The following SIK2 variants were observed in gnomAD, a reference collection of about 807,000 sequenced individuals.
SIK2 encodes the protein serine/threonine-protein kinase SIK2.
SIK2 carries 29 observed loss-of-function variants against 103.2 expected under a neutral mutation model. That is an observed-to-expected ratio of 0.28 (90% CI 0.21 to 0.38). The LOEUF is 0.38. Ranked by LOEUF, SIK2 falls within the 10% of genes least tolerant of loss-of-function variation. The pLI is 1.00. For missense variants in SIK2, 879 were observed against 1,171.0 expected, an observed-to-expected ratio of 0.75 and a Z score of 3.64; for synonymous variants, 412 against 446.1, an observed-to-expected ratio of 0.92 and a Z score of 0.96.
At chr11:111,625,705 C>G (rs1941952844) in intron 3 of SIK2, among the ~76,000 whole-genome samples, 1 of 151,896 alleles carries the variant, frequency 6.6e-6, no homozygotes, top group Non-Finnish European at 1.5e-5. Context: ...GTGACTGGGC[C>G]AAAAGCTAGA....
intron 1 of SIK2, among the ~76,000 whole-genome samples, chr11:111,613,076 T>C (rs897709301): frequency 4.6e-5 from 7 of 151,820 alleles, no homozygotes; most frequent in African/African-American, 1.7e-4. Context: ...AAAATTTAAT[T>C]AGATAACATT....
chr11:111,681,660 T>C (rs1942779532), intron 3 of SIK2, among the ~76,000 whole-genome samples: 2 of 152,150 alleles, frequency 1.3e-5, no homozygotes, highest in Non-Finnish European at 2.9e-5. Context: ...AGAGGAAGAA[T>C]TAAGCATTCA....
chr11:111,675,356 T>C (rs1204575343), intron 3 of SIK2, among the ~76,000 whole-genome samples: 1 of 152,214 alleles, frequency 6.6e-6, no homozygotes, highest in Non-Finnish European at 1.5e-5. Context: ...ATAAATCTCT[T>C]ACAGGCAGGG....
chr11:111,678,513 T>G (rs1004079373), intron 3 of SIK2, among the ~76,000 whole-genome samples: 1 of 152,140 alleles, frequency 6.6e-6, no homozygotes, highest in African/African-American at 2.4e-5. Flanking sequence ...GGGCCGTGAG[T>G]TCTGTGCTAC....
intron 3 of SIK2, among the ~76,000 whole-genome samples, chr11:111,637,222 C>T (rs1233253338): frequency 6.6e-6 from 1 of 151,736 alleles, no homozygotes. Flanking sequence ...TGTTTTGCTA[C>T]CACATTTTAA....
At chr11:111,627,621 T>G (rs146702415) in intron 3 of SIK2, among the ~76,000 whole-genome samples, 1 of 152,292 alleles carries the variant, frequency 6.6e-6, no homozygotes, top group Non-Finnish European at 1.5e-5. Context: ...TTTAAACCAA[T>G]TGGAGACTTA....
At chr11:111,610,032 G>A (rs950969303) in intron 1 of SIK2, among the ~76,000 whole-genome samples, 1 of 152,150 alleles carries the variant, frequency 6.6e-6, no homozygotes, top group Non-Finnish European at 1.5e-5. Flanking sequence ...GTTATTAGAA[G>A]AATAGCTCTT....
chr11:111,617,923 AT>A (rs1941830773), intron 2 of SIK2, among the ~76,000 whole-genome samples: 1 of 151,826 alleles, frequency 6.6e-6, no homozygotes, highest in Non-Finnish European at 1.5e-5. Flanking sequence ...CATAGGAATC[AT>A]GTTTATTGTA....
chr11:111,654,155 T>C (rs1430420996), intron 3 of SIK2, among the ~76,000 whole-genome samples: 6 of 152,254 alleles, frequency 3.9e-5, no homozygotes, highest in Non-Finnish European at 8.8e-5. Flanking sequence ...AATTTCTTTA[T>C]TGTTTTTTCA....
chr11:111,609,611 C>T (rs1334788040), intron 1 of SIK2, among the ~76,000 whole-genome samples: 1 of 152,200 alleles, frequency 6.6e-6, no homozygotes, highest in Non-Finnish European at 1.5e-5. Context: ...CATAAGCCAC[C>T]ATACCCAGCC....
chr11:111,602,786 CG>C lies in SIK2; in HGVS notation c.135+92del. The C allele has an allele frequency of 7.2e-7, 1 of 1,393,264 alleles. No homozygotes were observed. The highest frequency in any genetic ancestry group is 9.3e-7 in the Non-Finnish European group (1 of 1,076,516). The allele number at this position is 1,393,264 out of a possible 1,614,324, so 86.3% of individuals were successfully genotyped here. ...AGAGGGGCGGCCGCAGTGGTGGGAC[CG>C]GGGAGACCCGAGAGGCCGCCTCACT... On this transcript the variant is annotated intron_variant, in intron 1 of 14. Coordinates refer to ENST00000304987, the MANE Select transcript of SIK2 (RefSeq NM_015191.3). This position sits in a 1 kb window ranked among gnomAD's most constrained non-coding sequence, Gnocchi z 4.5.
In SIK2 at chr11:111,611,851, G is replaced by C. The variant is rs568935485; in HGVS notation, c.136-4392G>C. 6.6e-5 allele frequency among the ~76,000 whole-genome samples: 10 copies of C among 152,268 alleles called. No individual in the cohort carries two copies. The South Asian group carries it at 1.9e-3, about 28-fold the overall frequency. On this transcript the variant is annotated intron_variant, in intron 1 of 14. Transcript: ENST00000304987. ...TTATACTATGTTGAGAACTAAATAAGAGAAGGGATATAGAGAGGAAGTTCC... is the reference window on the plus strand; with the variant it reads ...TTATACTATGTTGAGAACTAAATAACAGAAGGGATATAGAGAGGAAGTTCC...
At chr11:111,703,446 G>A (rs762730537) in intron 7 of SIK2, 23 bp downstream of exon 7, 3 of 1,605,602 alleles carry the variant, frequency 1.9e-6, no homozygotes, top group East Asian at 2.2e-5. Flanking sequence ...GAGATTTCGG[G>A]GTTCTACTGC....
At chr11:111,638,410 A>G (rs898912491) in intron 3 of SIK2, among the ~76,000 whole-genome samples, 1 of 152,144 alleles carries the variant, frequency 6.6e-6, no homozygotes, top group Non-Finnish European at 1.5e-5. Context: ...TCTTCACCTG[A>G]TCATCCTTAT....
At chr11:111,652,206 C>G (rs1942335840) in intron 3 of SIK2, among the ~76,000 whole-genome samples, 1 of 151,944 alleles carries the variant, frequency 6.6e-6, no homozygotes, top group African/African-American at 2.4e-5. Context: ...CTTGAGATAA[C>G]AAAAAACACA....
intron 6 of SIK2, among the ~76,000 whole-genome samples, chr11:111,702,048 C>A (rs890275986): frequency 6.6e-6 from 1 of 152,156 alleles, no homozygotes; most frequent in Admixed American, 6.5e-5. Context: ...CCCTTAGTTT[C>A]ATTTTGGTTA....
intron 3 of SIK2, among the ~76,000 whole-genome samples, chr11:111,668,138 A>C (rs890014895): frequency 6.6e-6 from 1 of 151,894 alleles, no homozygotes; most frequent in East Asian, 1.9e-4. Flanking sequence ...TAAGGGCTCT[A>C]TGTAGGAAGC....
At chr11:111,687,249 G>A (rs1565355040) in intron 3 of SIK2, among the ~76,000 whole-genome samples, 3 of 152,046 alleles carry the variant, frequency 2.0e-5, no homozygotes, top group Admixed American at 1.3e-4. Context: ...GGGCACGGTG[G>A]CTCACACCTG....
chr11:111,633,799 G>A (rs1732650974), intron 3 of SIK2, among the ~76,000 whole-genome samples: 1 of 152,122 alleles, frequency 6.6e-6, no homozygotes, highest in African/African-American at 2.4e-5. Context: ...GCTCATCTCT[G>A]AAGGATAATA....
Sources: gnomAD v4.1 joint callset for allele counts (sites outside exome capture counted in the v4.1 genomes callset) on GRCh38, gnomAD v4.1.1 for gene constraint, Gnocchi (gnomAD v3.1) non-coding constraint, MANE v1.5 for transcripts, NCBI Gene and HGNC (gene_info 2026-07-23, HGNC 2026-07-21) for gene names.